Variants in NR2C2 observed in about 807,000 individuals in gnomAD.
NR2C2 encodes the protein nuclear receptor subfamily 2 group C member 2.
Under a neutral mutation model 62.9 loss-of-function variants are expected in NR2C2, and 6 were observed. The ratio of observed to expected loss-of-function variants is 0.10; its 90% CI spans 0.05 to 0.19. The LOEUF (loss-of-function observed/expected upper bound fraction) is 0.19. Among genes scored for constraint, NR2C2 ranks in the 10% least tolerant of loss-of-function variants. The pLI is 1.00. For missense variants in NR2C2, 479 were observed against 762.7 expected (o/e 0.63, Z 4.38); for synonymous variants, 272 against 273.8 (o/e 0.99, Z 0.07).
rs542651827 is a variant in NR2C2 at position 15,000,758 on chromosome 3, G to A, written c.-39-3118G>A. Reference sequence around the variant, plus strand: ...TTACATTGAATCTTTAGATCAATTTGGGGAATATCACCATCTTAACAATAT... The same window carrying A: ...TTACATTGAATCTTTAGATCAATTTAGGGAATATCACCATCTTAACAATAT... On this transcript the variant is annotated intron_variant, in intron 1 of 13. Transcript: ENST00000425241. 1.1e-4 allele frequency among the ~76,000 whole-genome samples: 16 copies of A among 151,662 alleles called. No homozygotes were observed. In the East Asian group the frequency reaches 3.1e-3, roughly 29 times the overall value.
At chr3:15,012,667 A>G (rs2041389534) in intron 2 of NR2C2, among the ~76,000 whole-genome samples, 1 of 152,188 alleles carries the variant, frequency 6.6e-6, no homozygotes, top group Non-Finnish European at 1.5e-5. Context: ...TCTTCTTTGC[A>G]GTAAGGGTCT....
At chr3:15,030,248 A>G (rs1674706646) in intron 8 of NR2C2, 27 bp from the exon 9 acceptor site, 5 of 1,595,268 alleles carry the variant, frequency 3.1e-6, no homozygotes, top group Non-Finnish European at 4.3e-6. Flanking sequence ...GATTCACAAC[A>G]ATTACATGCT....
intron 1 of NR2C2, among the ~76,000 whole-genome samples, chr3:14,996,923 C>A (rs1321919749): frequency 6.6e-6 from 1 of 152,202 alleles, no homozygotes; most frequent in African/African-American, 2.4e-5. Context: ...CTGTCAGATT[C>A]CATAGCCTGT....
In NR2C2 at chr3:15,044,290, T is replaced by C. The variant is rs1312878706; in HGVS notation, c.*1282T>C. 4 of 152,202 alleles carry C rather than the reference T, an allele frequency of 2.6e-5. No individual in the cohort carries two copies. Among genetic ancestry groups the C allele is most frequent in the Non-Finnish European group, 4.4e-5 (3 of 68,040 alleles). 9.4% of individuals were successfully genotyped at this position (152,202 alleles called of 1,614,324 possible). On this transcript the variant is annotated 3_prime_UTR_variant, in exon 14 of 14. Transcript: ENST00000425241. ...TCTCTGTTGGCAAGTCTGTTAATGT[T>C]ACCAGCACACTGTGCACTTTGGTTC...
At chr3:15,017,620 G>A (rs2041547372) in intron 4 of NR2C2, among the ~76,000 whole-genome samples, 1 of 152,182 alleles carries the variant, frequency 6.6e-6, no homozygotes, top group Admixed American at 6.5e-5. Context: ...CCTAGTCACA[G>A]GCTCTTGGTG....
chr3:15,000,543 A>G (rs370444037), intron 1 of NR2C2, among the ~76,000 whole-genome samples: 351 of 152,322 alleles, frequency 2.3e-3, no homozygotes, highest in African/African-American at 8.0e-3. Context: ...CAGAAGTGTG[A>G]TTGCTGGATT....
chr3:15,006,406 T>C (rs886513516), intron 2 of NR2C2, among the ~76,000 whole-genome samples: 6 of 152,204 alleles, frequency 3.9e-5, no homozygotes, highest in African/African-American at 1.4e-4. Context: ...TACCCTGACC[T>C]ATCTTATAAA....
In NR2C2 at chr3:15,013,642, C is replaced by T. The variant is rs370371588; in HGVS notation, c.126C>T (p.Asp42=). Reference sequence around the variant, plus strand: ...AAATCCAGATAGTCACCGCAGTGGACGCCTCCGGATCCCCCAAACAGCAGT... The same window carrying T: ...AAATCCAGATAGTCACCGCAGTGGATGCCTCCGGATCCCCCAAACAGCAGT... ...GQKIQIVTAV[D]ASGSPKQQFI... is the part of the protein sequence containing the mutation. The change falls in exon 3 of 14, where the codon GAC becomes GAT. Residue 42 remains aspartate, a synonymous_variant. Transcript: ENST00000425241. 1.9e-5 allele frequency: 30 copies of T among 1,614,124 alleles called. No individual in the cohort carries two copies. The highest frequency in any genetic ancestry group is 6.7e-5 in the East Asian group (3 of 44,870).
At chr3:14,960,050 A>G (rs987190343) in intron 1 of NR2C2, among the ~76,000 whole-genome samples, 2 of 152,230 alleles carry the variant, frequency 1.3e-5, no homozygotes, top group Non-Finnish European at 2.9e-5. Flanking sequence ...TCAAGAATCA[A>G]TTTGCAGATG....
chr3:14,983,865 C>A (rs2040443090), intron 1 of NR2C2, among the ~76,000 whole-genome samples: 1 of 151,786 alleles, frequency 6.6e-6, no homozygotes, highest in East Asian at 1.9e-4. Flanking sequence ...TTTAGAACAT[C>A]CTTGTTTTGT....
rs1307219775 is a variant in NR2C2 at position 15,049,212 on chromosome 3, G to A, written c.*6204G>A. 1 of 152,632 alleles carries A rather than the reference G, an allele frequency of 6.6e-6. No homozygotes were observed. Among genetic ancestry groups the A allele is most frequent in the African/African-American group, 2.4e-5 (1 of 41,440 alleles). The allele number at this position is 152,632 out of a possible 1,614,324, so 9.5% of individuals were successfully genotyped here. A position where few individuals can be genotyped will look rare whatever the true frequency, so the allele number is the denominator to read the frequency against. ...AATGCTGTTTCAATGTGGCATTATTGTTGTGGCTTAATACTACTACCTAAA... is the reference window on the plus strand; with the variant it reads ...AATGCTGTTTCAATGTGGCATTATTATTGTGGCTTAATACTACTACCTAAA... On this transcript the variant is annotated 3_prime_UTR_variant, in exon 14 of 14. Coordinates refer to ENST00000425241, the MANE Select transcript of NR2C2 (RefSeq NM_001291694.2).
intron 5 of NR2C2, among the ~76,000 whole-genome samples, chr3:15,021,288 T>A (rs1015589633): frequency 2.6e-5 from 4 of 152,062 alleles, no homozygotes; most frequent in Non-Finnish European, 1.5e-5. Context: ...AGCCACAGGG[T>A]CCTCATCTGT....
chr3:15,007,824 G>C (rs1415681083), intron 2 of NR2C2, among the ~76,000 whole-genome samples: 1 of 152,198 alleles, frequency 6.6e-6, no homozygotes, highest in Non-Finnish European at 1.5e-5. Context: ...TCTGGGCAGT[G>C]TACCAAACAG....
intron 3 of NR2C2, among the ~76,000 whole-genome samples, chr3:15,015,940 T>C (rs2041498206): frequency 6.6e-6 from 1 of 152,088 alleles, no homozygotes; most frequent in Non-Finnish European, 1.5e-5. Context: ...TAGCTGGGGA[T>C]TACAGGCACC....
rs146761800 is a variant in NR2C2 at position 15,003,934 on chromosome 3, G to A, written c.20G>A (p.Arg7His). The A allele has an allele frequency of 4.6e-5, 75 of 1,613,406 alleles. 1 individual carries two copies. The highest frequency in any genetic ancestry group is 7.7e-5 in the South Asian group (7 of 91,056). MTSPSP[R>H]IQIISTDSAV... ...CCAGGGATGACCAGCCCCTCCCCAC[G>A]CATCCAGATAATCTCCACCGACTCT... The change falls in exon 2 of 14, where the codon CGC becomes CAC. Residue 7 changes from arginine (R) to histidine (H), a missense_variant. By Grantham distance (29) the Arg-to-His change is conservative. Around this residue, in one of 4 missense-constraint regions of NR2C2, gnomAD observed 115 missense variants for 152.3 expected, o/e 0.76. Transcript: ENST00000425241.
At chr3:15,001,319 T>G (rs991862298) in intron 1 of NR2C2, among the ~76,000 whole-genome samples, 15 of 61,692 alleles carry the variant, frequency 2.4e-4, no homozygotes, top group South Asian at 4.3e-4. Flanking sequence ...TTGTTTTGGG[T>G]TTTTTTTTTT....
intron 2 of NR2C2, among the ~76,000 whole-genome samples, chr3:15,007,743 C>T (rs1192468682): frequency 2.0e-5 from 3 of 152,126 alleles, no homozygotes; most frequent in Non-Finnish European, 4.4e-5. Flanking sequence ...AGGGATAAGA[C>T]AAGACTGAGT....
At chr3:14,970,335 A>G (rs2040000428) in intron 1 of NR2C2, among the ~76,000 whole-genome samples, 2 of 152,124 alleles carry the variant, frequency 1.3e-5, no homozygotes, top group Non-Finnish European at 2.9e-5. Flanking sequence ...GCGGTAAAAT[A>G]TAAAATTTAC....
chr3:15,040,065 G>C (rs904546854), intron 13 of NR2C2, among the ~76,000 whole-genome samples: 7 of 151,954 alleles, frequency 4.6e-5, no homozygotes, highest in Non-Finnish European at 8.8e-5. Context: ...TGAGGCAGGA[G>C]AATCTCTTGA....
Sources: allele counts gnomAD v4.1 joint callset (sites outside exome capture counted in the v4.1 genomes callset), GRCh38; gene constraint gnomAD v4.1.1; regional missense constraint gnomAD v4.1.1; transcripts MANE v1.5; gene names NCBI Gene and HGNC (gene_info 2026-07-23, HGNC 2026-07-21).